The following KIAA0319 variants were observed in gnomAD, a reference collection of about 807,000 sequenced individuals.
The protein encoded by KIAA0319 is dyslexia-associated protein KIAA0319.
In KIAA0319, 83 loss-of-function variants were observed where a neutral mutation model predicts 108.4. The observed-to-expected ratio is 0.77, with a 90% CI of 0.64 to 0.92. The LOEUF (loss-of-function observed/expected upper bound fraction) is 0.92. KIAA0319 is among the 40% of genes least tolerant of loss of function. The pLI, the probability that KIAA0319 is intolerant of heterozygous loss-of-function variation, is 0.00. For synonymous variants in KIAA0319, 484 were observed against 510.4 expected (o/e 0.95, Z 0.70); for missense variants, 1,195 against 1,322.4 (o/e 0.90, Z 1.49).
intron 1 of KIAA0319, among the ~76,000 whole-genome samples, chr6:24,619,253 A>G (rs1447594691): frequency 6.6e-6 from 1 of 152,220 alleles, no homozygotes; most frequent in East Asian, 1.9e-4. Flanking sequence ...GAGTATAGCA[A>G]TCAAAGGCAG....
At chr6:24,593,635 T>A (rs1451149539) in intron 3 of KIAA0319, among the ~76,000 whole-genome samples, 1 of 151,322 alleles carries the variant, frequency 6.6e-6, no homozygotes, top group Non-Finnish European at 1.5e-5. Flanking sequence ...TTTCCTGACC[T>A]CGTGATCCAC....
At chr6:24,555,615 C>A (rs1056535217) in intron 18 of KIAA0319, among the ~76,000 whole-genome samples, 5 of 150,678 alleles carry the variant, frequency 3.3e-5, no homozygotes, top group Admixed American at 6.6e-5. Flanking sequence ...TGGGAATATA[C>A]TTTGGCAGTC....
chr6:24,584,703 A>G (rs1397124883), intron 4 of KIAA0319, among the ~76,000 whole-genome samples: 2 of 152,210 alleles, frequency 1.3e-5, no homozygotes, highest in Non-Finnish European at 2.9e-5. Flanking sequence ...TAAATCCTAG[A>G]AAAGCAAAGT....
Position 24,596,638 on chromosome 6 carries a change from T to G in KIAA0319, c.56-20A>C. The G allele has an allele frequency of 1.9e-6, 3 of 1,572,910 alleles. No homozygotes were observed. The highest frequency in any genetic ancestry group is 2.6e-6 in the Non-Finnish European group (3 of 1,156,644). ...CACAACCTTTAAACAAAGTAGTTTCTAATGAGGGAGAGAGGCATATCACAG... is the reference window on the plus strand; with the variant it reads ...CACAACCTTTAAACAAAGTAGTTTCGAATGAGGGAGAGAGGCATATCACAG... On this transcript the variant is annotated intron_variant, in intron 2 of 20. Transcript: ENST00000378214.
chr6:24,593,793 T>C (rs1768933016), intron 3 of KIAA0319, among the ~76,000 whole-genome samples: 1 of 152,154 alleles, frequency 6.6e-6, no homozygotes, highest in South Asian at 2.1e-4. Context: ...TCCATCTGTA[T>C]AAACCAGGAA....
intron 15 of KIAA0319, among the ~76,000 whole-genome samples, chr6:24,563,819 A>T (rs901440543): frequency 3.3e-5 from 5 of 152,090 alleles, no homozygotes; most frequent in African/African-American, 1.2e-4. Context: ...CCAGAAAGAG[A>T]ATTTTGCTTC....
intron 1 of KIAA0319, among the ~76,000 whole-genome samples, chr6:24,631,748 A>G (rs1775611217): frequency 6.6e-6 from 1 of 152,226 alleles, no homozygotes; most frequent in South Asian, 2.1e-4. Flanking sequence ...CACCACTGCT[A>G]TCTAAGTAGG....
chr6:24,541,236 C>T (rs1356947112), downstream of KIAA0319, among the ~76,000 whole-genome samples: 3 of 152,146 alleles, frequency 2.0e-5, no homozygotes, highest in South Asian at 2.1e-4. Context: ...TTTCTCCTGA[C>T]GCCTCTCATC....
chr6:24,597,386 G>T (rs954195234), intron 2 of KIAA0319, among the ~76,000 whole-genome samples: 2 of 152,226 alleles, frequency 1.3e-5, no homozygotes, highest in African/African-American at 4.8e-5. Context: ...GCAGTTTTCA[G>T]TGTGGCTGGA....
intron 1 of KIAA0319, among the ~76,000 whole-genome samples, chr6:24,615,711 CTTCT>C (rs1259227025): frequency 8.5e-5 from 13 of 152,316 alleles, no homozygotes; most frequent in African/African-American, 2.9e-4. Context: ...ACTTACAGCT[CTTCT>C]TTCTGTTACT....
chr6:24,622,229 C>T (rs1237927809), intron 1 of KIAA0319, among the ~76,000 whole-genome samples: 2 of 150,062 alleles, frequency 1.3e-5, no homozygotes, highest in South Asian at 2.1e-4. Flanking sequence ...TGGACAGCTA[C>T]GTCAGAAAGC....
intron 1 of KIAA0319, among the ~76,000 whole-genome samples, chr6:24,629,457 A>C (rs9358776): frequency 8.5e-5 from 12 of 141,246 alleles, no homozygotes; most frequent in Non-Finnish European, 1.4e-4. Context: ...AGAGCTTGCA[A>C]TGAGCCGAGA....
intron 1 of KIAA0319, among the ~76,000 whole-genome samples, chr6:24,638,629 G>A (rs1243559886): frequency 1.3e-5 from 2 of 152,018 alleles, no homozygotes; most frequent in African/African-American, 2.4e-5. Flanking sequence ...GCGTGGTAGC[G>A]GGTGCCTGTA....
rs1459623603 is a variant in KIAA0319 at position 24,547,309 on chromosome 6, G to C, written c.3075C>G (p.Ser1025Arg). 6.2e-7 allele frequency: 1 copy of C among 1,614,146 alleles called. No homozygotes were observed. The highest frequency in any genetic ancestry group is 1.7e-5 in the Admixed American group (1 of 60,024). The change falls in exon 21 of 21, where the codon AGC becomes AGG. Residue 1025 changes from serine (S) to arginine (R), a missense_variant. By Grantham distance (110) the Ser-to-Arg change is moderately radical (BLOSUM62 -1). Coordinates refer to ENST00000378214, the MANE Select transcript of KIAA0319 (RefSeq NM_014809.4). ...IKHRSTEHNS[S>R]LMVSESEFDS... ...CAAACTCAGACTCGGATACCATCAG[G>C]CTGGAGTTGTGCTCTGTGCTTCGGT...
At chr6:24,580,041 A>G (rs920339744) in intron 7 of KIAA0319, 91 bp from the exon 8 acceptor site, 1 of 969,742 alleles carries the variant, frequency 1.0e-6, no homozygotes, top group Admixed American at 2.3e-5. Flanking sequence ...AAAATTGATT[A>G]TACATGTCCT....
chr6:24,551,005 G>C (rs2127412107), intron 20 of KIAA0319, among the ~76,000 whole-genome samples: 1 of 152,184 alleles, frequency 6.6e-6, no homozygotes, highest in African/African-American at 2.4e-5. Flanking sequence ...TTGAGACAGA[G>C]TCTCAGTCTG....
chr6:24,639,714 G>T (rs1776672164), intron 1 of KIAA0319, among the ~76,000 whole-genome samples: 1 of 151,950 alleles, frequency 6.6e-6, no homozygotes, highest in Non-Finnish European at 1.5e-5. Context: ...CAGGTGTGGT[G>T]GCACGTGCCT....
intron 4 of KIAA0319, among the ~76,000 whole-genome samples, chr6:24,586,842 A>G (rs767572491): frequency 2.6e-5 from 4 of 151,816 alleles, no homozygotes; most frequent in Non-Finnish European, 5.9e-5. Context: ...CTCTCCCTCT[A>G]GCTTTCCTCT....
intron 9 of KIAA0319, 63 bp downstream of exon 9, chr6:24,578,047 A>G: frequency 2.0e-6 from 3 of 1,509,442 alleles, no homozygotes; most frequent in Non-Finnish European, 2.7e-6. Context: ...TATGTGCGTT[A>G]ATTTAAAGAA....
Sources: gnomAD v4.1 joint callset for allele counts (sites outside exome capture counted in the v4.1 genomes callset) on GRCh38, gnomAD v4.1.1 for gene constraint, MANE v1.5 for transcripts, NCBI Gene and HGNC (gene_info 2026-07-23, HGNC 2026-07-21) for gene names.